TBXAS1: variants seen among roughly 807,000 people sequenced by gnomAD.
The protein encoded by TBXAS1 is thromboxane A synthase 1.
In TBXAS1, 48 loss-of-function variants were observed where a neutral mutation model predicts 60.7. The ratio of observed to expected loss-of-function variants is 0.79; its 90% confidence interval spans 0.63 to 1.01. The LOEUF is 1.01. Ranked by LOEUF, TBXAS1 falls within the 50% of genes least tolerant of loss-of-function variation. The pLI, the probability that TBXAS1 is intolerant of heterozygous loss-of-function variation, is 0.00. For synonymous variants in TBXAS1, 287 were observed against 269.7 expected (o/e 1.06, Z -0.63); for missense variants, 685 against 686.3 (o/e 1.00, Z 0.02).
intron 9 of TBXAS1, among the ~76,000 whole-genome samples, chr7:139,978,775 C>CAAAAAA (rs35583867): frequency 7.7e-5 from 7 of 90,974 alleles, no homozygotes; most frequent in Non-Finnish European, 1.1e-4. Context: ...CCTGCCTCTA[C>CAAAAAA]AAAAAAAAAA....
intron 10 of TBXAS1, among the ~76,000 whole-genome samples, chr7:140,011,656 G>A (rs1177575996): frequency 5.9e-5 from 9 of 151,996 alleles, no homozygotes; most frequent in Non-Finnish European, 1.3e-4. Flanking sequence ...AAAGTAGAAG[G>A]CTGTCTGCCA....
intron 3 of TBXAS1, among the ~76,000 whole-genome samples, chr7:139,783,746 C>T (rs1797075039): frequency 6.6e-6 from 1 of 152,176 alleles, no homozygotes; most frequent in Non-Finnish European, 1.5e-5. Context: ...GTAAGGTTTC[C>T]TCCCACTGAC....
upstream of TBXAS1, among the ~76,000 whole-genome samples, chr7:139,828,485 G>A (rs754306306): frequency 6.6e-6 from 1 of 152,180 alleles, no homozygotes; most frequent in African/African-American, 2.4e-5. Flanking sequence ...GAGCAGTCTG[G>A]TTCCTTCAGA....
chr7:139,904,563 T>C (rs987467697), intron 3 of TBXAS1, among the ~76,000 whole-genome samples: 2 of 152,140 alleles, frequency 1.3e-5, no homozygotes, highest in Non-Finnish European at 2.9e-5. Context: ...CAATATTGAT[T>C]CGACCCATCC....
intron 4 of TBXAS1, among the ~76,000 whole-genome samples, chr7:139,804,383 C>A (rs952190706): frequency 6.6e-6 from 1 of 152,096 alleles, no homozygotes; most frequent in Non-Finnish European, 1.5e-5. Flanking sequence ...AACTAACTTG[C>A]CTTTGATTTT....
chr7:139,984,920 G>GGA (rs1812317998), intron 9 of TBXAS1, among the ~76,000 whole-genome samples: 1 of 90,558 alleles, frequency 1.1e-5, no homozygotes, highest in African/African-American at 4.2e-5. Context: ...AAGAAAGAAA[G>GGA]AAGGAAAGAA....
chr7:139,984,662 G>GAAA, intron 9 of TBXAS1, among the ~76,000 whole-genome samples: 2 of 120,676 alleles, frequency 1.7e-5, no homozygotes, highest in South Asian at 5.9e-4. Flanking sequence ...AAGGGAAGGG[G>GAAA]GAAAGAAAGA....
At chr7:139,952,449 T>C (rs1045223006) in intron 5 of TBXAS1, 3 of 1,354,702 alleles carry the variant, frequency 2.2e-6, no homozygotes, top group African/African-American at 2.9e-5. Context: ...TTTATGTCTT[T>C]CATGAGAAAT....
intron 4 of TBXAS1, among the ~76,000 whole-genome samples, chr7:139,912,193 A>T (rs1234363751): frequency 6.6e-6 from 1 of 152,222 alleles, no homozygotes; most frequent in Non-Finnish European, 1.5e-5. Flanking sequence ...GGCTCCAGTG[A>T]GCTGAGATCG....
At chr7:139,789,141 A>C (rs930833248) in intron 4 of TBXAS1, 1 of 152,190 alleles carries the variant, frequency 6.6e-6, no homozygotes, top group Non-Finnish European at 1.5e-5. Context: ...CTAGATATAC[A>C]TATTCACTTT....
chr7:139,957,521 C>A, intron 7 of TBXAS1, 113 bp from the exon 8 acceptor site: 2 of 1,455,362 alleles, frequency 1.4e-6, no homozygotes, highest in African/African-American at 1.4e-5. Context: ...GAGGGCAGGA[C>A]TCCAAAACGG....
chr7:139,994,872 C>A (rs1813182636), intron 9 of TBXAS1, among the ~76,000 whole-genome samples: 1 of 152,204 alleles, frequency 6.6e-6, no homozygotes, highest in Non-Finnish European at 1.5e-5. Flanking sequence ...CGGTGGTCTG[C>A]TGAAAATGCT....
chr7:139,909,062 A>G (rs1805317768), intron 3 of TBXAS1, among the ~76,000 whole-genome samples: 1 of 152,148 alleles, frequency 6.6e-6, no homozygotes. Context: ...TTCCCTATAG[A>G]TAATACATTA....
At chr7:139,815,255 C>G (rs547364725) in intron 4 of TBXAS1, among the ~76,000 whole-genome samples, 1 of 152,186 alleles carries the variant, frequency 6.6e-6, no homozygotes, top group African/African-American at 2.4e-5. Flanking sequence ...GCGAGACAGA[C>G]AGACAGACAA....
At chr7:139,879,150 G>C (rs1017461473) in intron 3 of TBXAS1, among the ~76,000 whole-genome samples, 1 of 152,036 alleles carries the variant, frequency 6.6e-6, no homozygotes, top group Non-Finnish European at 1.5e-5. Flanking sequence ...CATCAAGATG[G>C]GCAGACAACA....
intron 5 of TBXAS1, among the ~76,000 whole-genome samples, chr7:139,950,536 C>T (rs990826001): frequency 6.6e-6 from 1 of 152,156 alleles, no homozygotes; most frequent in Non-Finnish European, 1.5e-5. Flanking sequence ...ATGCTGTGAA[C>T]ATTCTGCTCC....
intron 9 of TBXAS1, among the ~76,000 whole-genome samples, chr7:139,989,879 A>C (rs138079584): frequency 2.0e-5 from 3 of 152,224 alleles, no homozygotes; most frequent in Non-Finnish European, 4.4e-5. Flanking sequence ...CCTTATAAGG[A>C]AGAGACAATT....
chr7:140,004,141 C>T lies in TBXAS1; in HGVS notation c.1135-2950C>T, dbSNP rs1027678712. 6.6e-6 allele frequency among the ~76,000 whole-genome samples: 1 copy of T among 152,224 alleles called. No homozygotes were observed. Among genetic ancestry groups the T allele is most frequent in the African/African-American group, 2.4e-5 (1 of 41,458 alleles). On this transcript the variant is annotated intron_variant, in intron 9 of 12. Coordinates refer to ENST00000448866, the MANE Select transcript of TBXAS1 (RefSeq NM_001061.7). This position sits in a 1 kb window ranked among gnomAD's most constrained non-coding sequence, Gnocchi z 5.1. ...AAAAACTTTTTTCTTTGTCCCAGAT[C>T]GAAATTTCCAGACTGGCCCCTTTGG...
intron 4 of TBXAS1, among the ~76,000 whole-genome samples, chr7:139,820,458 G>A (rs193005770): frequency 2.0e-5 from 3 of 152,302 alleles, no homozygotes; most frequent in Admixed American, 2.0e-4. Flanking sequence ...AAGTCTGAAT[G>A]GTGGCATTGC....
Sources: gnomAD v4.1 joint callset for allele counts (sites outside exome capture counted in the v4.1 genomes callset) on GRCh38, gnomAD v4.1.1 for gene constraint, Gnocchi (gnomAD v3.1) non-coding constraint, MANE v1.5 for transcripts, NCBI Gene and HGNC (gene_info 2026-07-23, HGNC 2026-07-21) for gene names.